Variants in NFAT5 observed in about 807,000 individuals in gnomAD.
NFAT5 encodes nuclear factor of activated T cells 5, also known as nuclear factor of activated T-cells 5.
In NFAT5, 31 loss-of-function variants were observed where a neutral mutation model predicts 166.5. The ratio of observed to expected loss-of-function variants is 0.19; its 90% confidence interval spans 0.14 to 0.25. The LOEUF (loss-of-function observed/expected upper bound fraction) is 0.25, where lower values mean the gene tolerates loss of function less well. NFAT5 is among the 10% of genes least tolerant of loss of function. The pLI, the probability that NFAT5 is intolerant of heterozygous loss-of-function variation, is 1.00. For synonymous variants in NFAT5, 612 were observed against 639.7 expected (o/e 0.96, Z 0.65); for missense variants, 1,449 against 1,821.8 (o/e 0.80, Z 3.72).
intron 9 of NFAT5, among the ~76,000 whole-genome samples, chr16:69,672,620 A>T (rs950963617): frequency 2.6e-5 from 4 of 152,138 alleles, no homozygotes; most frequent in African/African-American, 9.7e-5. Context: ...CACCTTGAAG[A>T]AAAAAATGGG....
Position 69,670,110 on chromosome 16 carries a change from T to C in NFAT5, c.1503T>C (p.Ser501=). 1 of 1,611,286 alleles carries C rather than the reference T, an allele frequency of 6.2e-7. No homozygotes were observed. The highest frequency in any genetic ancestry group is 1.1e-5 in the South Asian group (1 of 90,358). ...AAGTTATTTTCCAAGAAAATGTTTC[T>C]GGTAAGTACGCATATTTGTGGTACA... The part of the protein sequence containing the change: ...GTKVIFQENV[S]DENSWKSEAE... The change falls in exon 8 of 15, where the codon TCT becomes TCC. Residue 501 remains serine (S), a splice_region_variant and synonymous_variant. Transcript: ENST00000349945.
At chr16:69,666,782 G>A (rs1178752884) in intron 7 of NFAT5, among the ~76,000 whole-genome samples, 1 of 151,814 alleles carries the variant, frequency 6.6e-6, no homozygotes, top group Non-Finnish European at 1.5e-5. Flanking sequence ...CAGGGATCTA[G>A]AACTAGAAAT....
chr16:69,628,875 C>G (rs1012406622), intron 3 of NFAT5, among the ~76,000 whole-genome samples: 2 of 152,160 alleles, frequency 1.3e-5, no homozygotes, highest in African/African-American at 4.8e-5. Flanking sequence ...GAGTTCAAGA[C>G]CAGCCTGATC....
At chr16:69,671,482 T>C (rs990311249) in intron 9 of NFAT5, among the ~76,000 whole-genome samples, 1 of 152,250 alleles carries the variant, frequency 6.6e-6, no homozygotes, top group African/African-American at 2.4e-5. Flanking sequence ...GCAATTCTCC[T>C]GTCTCAGCCT....
chr16:69,594,592 G>A (rs2032678480), intron 2 of NFAT5, among the ~76,000 whole-genome samples: 1 of 152,108 alleles, frequency 6.6e-6, no homozygotes, highest in African/African-American at 2.4e-5. Context: ...TGGCACCACT[G>A]TCATATATGT....
chr16:69,682,566 C>T lies in NFAT5; in HGVS notation c.1691-2321C>T, dbSNP rs189144666. Among the ~76,000 whole-genome samples the T allele has an allele frequency of 5.1e-4, 77 of 152,098 alleles. 1 individual carries two copies. The highest frequency in any genetic ancestry group is 1.8e-3 in the African/African-American group (74 of 41,482). On this transcript the variant is annotated intron_variant, in intron 10 of 14. Coordinates refer to ENST00000349945, the MANE Select transcript of NFAT5 (RefSeq NM_138713.4). ...CCTGAGAGATTGAGGCTCCAGTAAG[C>T]CGTGATCATGCCAATGTACTCCAGC...
At chr16:69,638,465 G>T (rs1366091159) in intron 3 of NFAT5, among the ~76,000 whole-genome samples, 1 of 152,042 alleles carries the variant, frequency 6.6e-6, no homozygotes, top group African/African-American at 2.4e-5. Context: ...TGGGCACGGT[G>T]GCTCACGCCT....
At chr16:69,612,196 C>T (rs1169700630) in intron 2 of NFAT5, among the ~76,000 whole-genome samples, 2 of 152,148 alleles carry the variant, frequency 1.3e-5, no homozygotes, top group East Asian at 1.9e-4. Flanking sequence ...CATCAACAAA[C>T]AGTGAGTGTC....
At position 69,692,494 on chromosome 16, in the gene NFAT5, C is replaced by G; in HGVS notation, c.2669C>G (p.Ser890Cys). ...PGRAESVHPQSENTLSNQQQQ... is the reference protein window; with the variant it reads ...PGRAESVHPQCENTLSNQQQQ... The stretch of plus-strand genomic sequence containing the variant: ...AGAGCTGAAAGTGTTCATCCACAGT[C>G]TGAAAACACGTTATCTAATCAACAG... The change falls in exon 13 of 15, where the codon TCT (serine) becomes TGT (cysteine). Residue 890 changes from serine (S) to cysteine (C), a missense_variant. Ser to Cys is a moderately radical substitution (Grantham distance 112). This residue lies in a region of NFAT5 where 891 missense variants were observed against 993.0 expected (regional missense o/e 0.90). Transcript: ENST00000349945. The G allele has an allele frequency of 6.8e-6, 11 of 1,614,166 alleles. No individual in the cohort carries two copies. Among genetic ancestry groups the G allele is most frequent in the South Asian group, 2.2e-5 (2 of 91,088 alleles).
At chr16:69,685,431 C>T (rs1431987311) in intron 11 of NFAT5, 1 of 151,610 alleles carries the variant, frequency 6.6e-6, no homozygotes, top group Non-Finnish European at 1.5e-5. Flanking sequence ...CCCGTAGTCC[C>T]AGCTGCTCGG....
At chr16:69,574,021 A>G (rs998632977) in intron 2 of NFAT5, among the ~76,000 whole-genome samples, 4 of 151,938 alleles carry the variant, frequency 2.6e-5, no homozygotes, top group African/African-American at 9.7e-5. Context: ...ACAAGGGCGC[A>G]CCACCACACC....
intron 2 of NFAT5, among the ~76,000 whole-genome samples, chr16:69,571,314 C>CAACA (rs141981673): frequency 0.058 from 8,782 of 151,344 alleles, 275 homozygotes; most frequent in Middle Eastern, 0.11. Context: ...AAAAAAACAA[C>CAACA]AACAAACAAA....
At position 69,566,182 on chromosome 16, in the gene NFAT5, C is replaced by A; in HGVS notation, c.-120C>A. On this transcript the variant is annotated 5_prime_UTR_variant, in exon 1 of 15. Coordinates refer to ENST00000349945, the MANE Select transcript of NFAT5 (RefSeq NM_138713.4). This position sits in a 1 kb window ranked among gnomAD's most constrained non-coding sequence, Gnocchi z 5.7. ...GTCACTACCCTCGAGGAGGAGGCAG[C>A]GGCAGCCGCCCTCGCGTCGCCGCCC... 1 of 779,440 alleles carries A rather than the reference C, an allele frequency of 1.3e-6. No individual in the cohort carries two copies. Among genetic ancestry groups the A allele is most frequent in the Non-Finnish European group, 2.0e-6 (1 of 491,566 alleles). 48.3% of individuals were successfully genotyped at this position (779,440 alleles called of 1,614,324 possible).
At chr16:69,586,785 A>G (rs547553122) in intron 2 of NFAT5, among the ~76,000 whole-genome samples, 67 of 152,348 alleles carry the variant, frequency 4.4e-4, no homozygotes, top group Middle Eastern at 6.8e-3. Flanking sequence ...TGTATTTAAT[A>G]GTAGCAATAG....
intron 2 of NFAT5, among the ~76,000 whole-genome samples, chr16:69,617,485 ATTTTC>A (rs1167382968): frequency 6.6e-6 from 1 of 150,756 alleles, no homozygotes; most frequent in African/African-American, 2.4e-5. Flanking sequence ...TTAGAGAACA[ATTTTC>A]TTTTCTTTTT....
chr16:69,647,438 C>T lies in NFAT5; in HGVS notation c.664C>T (p.Arg222Ter). ...TGAGGTACCTCGTAAATCACGAAAA[C>T]GAAATCCAAAGCAGAGGCCGGGGGT... ...NTEVPRKSRK[R>*]NPKQRPGVKR... The change falls in exon 4 of 15, where the codon CGA (arginine) becomes TGA (stop). Residue 222 changes from arginine (R) to a stop codon, truncating the protein, a stop_gained. Transcript: ENST00000349945. LOFTEE classifies it high-confidence loss of function. This position sits in a 1 kb window ranked among gnomAD's most constrained non-coding sequence, Gnocchi z 4.8. The T allele has an allele frequency of 6.2e-7, 1 of 1,614,082 alleles. No individual in the cohort carries two copies. The highest frequency in any genetic ancestry group is 8.5e-7 in the Non-Finnish European group (1 of 1,180,004).
At chr16:69,568,663 C>A in intron 2 of NFAT5, 115 bp downstream of exon 2, 1 of 722,406 alleles carries the variant, frequency 1.4e-6, no homozygotes, top group South Asian at 2.1e-5. Context: ...TAGTTTTCTC[C>A]TAAAGAGTCT....
chr16:69,606,073 G>A (rs1380650456), intron 2 of NFAT5, among the ~76,000 whole-genome samples: 2 of 152,094 alleles, frequency 1.3e-5, no homozygotes, highest in African/African-American at 2.4e-5. Context: ...TGGAAGATAG[G>A]TACTTACCAG....
intron 2 of NFAT5, among the ~76,000 whole-genome samples, chr16:69,572,972 A>G (rs749433411): frequency 6.6e-6 from 1 of 152,080 alleles, no homozygotes; most frequent in Non-Finnish European, 1.5e-5. Context: ...CCTCCTGAGT[A>G]GCTGGGACTA....
Sources: allele counts gnomAD v4.1 joint callset (sites outside exome capture counted in the v4.1 genomes callset), GRCh38; gene constraint gnomAD v4.1.1; regional missense constraint gnomAD v4.1.1; non-coding constraint Gnocchi (gnomAD v3.1); transcripts MANE v1.5; gene names NCBI Gene and HGNC (gene_info 2026-07-23, HGNC 2026-07-21).